The following EXOC4 variants were observed in gnomAD, a reference collection of about 807,000 sequenced individuals.
EXOC4 encodes the protein exocyst complex component 4.
In EXOC4, 71 loss-of-function variants were observed where a neutral mutation model predicts 107.2. The observed-to-expected ratio is 0.66, with a 90% CI of 0.55 to 0.81. The LOEUF is 0.81. Among genes scored for constraint, EXOC4 ranks in the 30% least tolerant of loss-of-function variants. EXOC4 has a pLI of 0.00. For missense variants in EXOC4, 1,108 were observed against 1,189.6 expected, an observed-to-expected ratio of 0.93 and a Z score of 1.01; for synonymous variants, 456 against 441.2, an observed-to-expected ratio of 1.03 and a Z score of -0.42.
chr7:133,547,362 C>T lies in EXOC4; in HGVS notation c.1417+67224C>T, dbSNP rs566809679. On this transcript the variant is annotated intron_variant, in intron 9 of 17. Coordinates refer to ENST00000253861, the MANE Select transcript of EXOC4 (RefSeq NM_021807.4). ...CAAATTGTCATCTTTTTGCTGGTGGCGGGTCTTGCCTTGATGTTTGTGGCT... is the reference window on the plus strand; with the variant it reads ...CAAATTGTCATCTTTTTGCTGGTGGTGGGTCTTGCCTTGATGTTTGTGGCT... 4.6e-5 allele frequency among the ~76,000 whole-genome samples: 7 copies of T among 152,178 alleles called. No homozygotes were observed. In the South Asian group the frequency reaches 6.2e-4, roughly 14 times the overall value.
chr7:133,857,179 TA>T (rs1798407264), intron 11 of EXOC4, among the ~76,000 whole-genome samples: 5 of 19,082 alleles, frequency 2.6e-4, no homozygotes, highest in African/African-American at 6.1e-4. Context: ...TATATATATA[TA>T]TATATATATA....
intron 14 of EXOC4, among the ~76,000 whole-genome samples, chr7:133,954,926 C>T (rs1175329313): frequency 6.6e-6 from 1 of 152,240 alleles, no homozygotes; most frequent in Non-Finnish European, 1.5e-5. Context: ...AAGCAGCTTC[C>T]ACACCTGGCA....
intron 17 of EXOC4, among the ~76,000 whole-genome samples, chr7:134,014,357 C>T (rs1269405722): frequency 2.0e-5 from 3 of 152,064 alleles, no homozygotes; most frequent in African/African-American, 7.2e-5. Context: ...CAGCCGAGAT[C>T]GTGCCACTGC....
At chr7:133,292,674 G>A (rs952138382) in intron 3 of EXOC4, among the ~76,000 whole-genome samples, 2 of 152,030 alleles carry the variant, frequency 1.3e-5, no homozygotes, top group African/African-American at 4.8e-5. Flanking sequence ...AGATAGCTAG[G>A]TGCTTTTCTT....
intron 13 of EXOC4, among the ~76,000 whole-genome samples, chr7:133,931,002 G>A (rs961056600): frequency 1.9e-4 from 28 of 150,668 alleles, no homozygotes; most frequent in African/African-American, 6.1e-4. Context: ...TCAAGCATTC[G>A]TCATTTATTT....
intron 11 of EXOC4, among the ~76,000 whole-genome samples, chr7:133,868,734 A>G (rs1478023819): frequency 1.3e-5 from 2 of 152,076 alleles, no homozygotes; most frequent in African/African-American, 4.8e-5. Flanking sequence ...GACCTCTCTA[A>G]TCTGACTTCC....
intron 7 of EXOC4, among the ~76,000 whole-genome samples, chr7:133,392,866 T>C (rs147251280): frequency 9.7e-4 from 148 of 152,342 alleles, no homozygotes; most frequent in Middle Eastern, 6.8e-3. Flanking sequence ...TTAGATAGAT[T>C]GTTATCCAAT....
intron 7 of EXOC4, among the ~76,000 whole-genome samples, chr7:133,424,660 C>T (rs1038648582): frequency 7.9e-5 from 12 of 152,060 alleles, no homozygotes; most frequent in East Asian, 1.9e-4. Context: ...AAAGATATGC[C>T]GGGAATATTT....
chr7:133,429,319 A>G (rs901730077), intron 7 of EXOC4, among the ~76,000 whole-genome samples: 2 of 152,196 alleles, frequency 1.3e-5, no homozygotes, highest in African/African-American at 2.4e-5. Context: ...ACATTTCACT[A>G]GCAAATCATC....
At chr7:133,271,785 G>C (rs1251251959) in intron 1 of EXOC4, among the ~76,000 whole-genome samples, 1 of 152,134 alleles carries the variant, frequency 6.6e-6, no homozygotes, top group Non-Finnish European at 1.5e-5. Context: ...GACTTGAGGA[G>C]CTCTAGGAGT....
intron 11 of EXOC4, among the ~76,000 whole-genome samples, chr7:133,830,978 GT>G (rs1203080074): frequency 6.6e-6 from 1 of 151,868 alleles, no homozygotes; most frequent in Admixed American, 6.6e-5. Flanking sequence ...TTGTTTGTTT[GT>G]TTTGAGACAG....
chr7:133,617,926 A>G (rs540888864), intron 9 of EXOC4, among the ~76,000 whole-genome samples: 4 of 152,132 alleles, frequency 2.6e-5, no homozygotes, highest in African/African-American at 4.8e-5. Context: ...CCTACTTTCA[A>G]ACCGGGCCTT....
At chr7:133,945,795 C>G (rs1172123568) in intron 14 of EXOC4, among the ~76,000 whole-genome samples, 1 of 152,152 alleles carries the variant, frequency 6.6e-6, no homozygotes, top group African/African-American at 2.4e-5. Flanking sequence ...TGTGAATATT[C>G]TCATGCTAGA....
At chr7:133,425,148 G>T (rs1206700658) in intron 7 of EXOC4, among the ~76,000 whole-genome samples, 1 of 152,168 alleles carries the variant, frequency 6.6e-6, no homozygotes, top group Non-Finnish European at 1.5e-5. Context: ...AGCTTCAGGG[G>T]ATAGGGAGAT....
intron 10 of EXOC4, among the ~76,000 whole-genome samples, chr7:133,794,127 T>G (rs1796764149): frequency 6.6e-6 from 1 of 152,218 alleles, no homozygotes; most frequent in Non-Finnish European, 1.5e-5. Flanking sequence ...TAGTTCATTT[T>G]TTTGCTACTA....
chr7:133,474,589 A>T (rs1798964065), intron 7 of EXOC4, among the ~76,000 whole-genome samples: 2 of 152,030 alleles, frequency 1.3e-5, no homozygotes. Context: ...CTGGGATTAC[A>T]GGCATGAGCC....
intron 7 of EXOC4, among the ~76,000 whole-genome samples, chr7:133,384,158 A>T (rs1218516610): frequency 6.6e-6 from 1 of 152,274 alleles, no homozygotes; most frequent in East Asian, 1.9e-4. Context: ...TGTCTAATGC[A>T]TAGTGAAGTG....
At chr7:133,917,539 C>T (rs779841784) in intron 12 of EXOC4, 44 bp from the exon 13 acceptor site, 2 of 1,580,590 alleles carry the variant, frequency 1.3e-6, no homozygotes, top group Non-Finnish European at 1.7e-6. Context: ...AACTGAATAC[C>T]AGGCATCATG....
the EXOC4 span, among the ~76,000 whole-genome samples, chr7:134,091,271 C>T: frequency 2.6e-5 from 4 of 152,164 alleles, no homozygotes; most frequent in Admixed American, 1.3e-4. Context: ...ATGGTTATTT[C>T]TTGATGATAT....
Sources: gnomAD v4.1 joint callset for allele counts (sites outside exome capture counted in the v4.1 genomes callset) on GRCh38, gnomAD v4.1.1 for gene constraint, MANE v1.5 for transcripts, NCBI Gene and HGNC (gene_info 2026-07-23, HGNC 2026-07-21) for gene names.